CORO7: variants seen among roughly 807,000 people sequenced by gnomAD.
CORO7 encodes coronin 7.
A neutral mutation model predicts 126.6 loss-of-function variants in CORO7; 107 were observed. The observed-to-expected ratio is 0.85, with a 90% CI of 0.72 to 0.99. The LOEUF (loss-of-function observed/expected upper bound fraction) is 0.99. Among genes scored for constraint, CORO7 ranks in the 50% least tolerant of loss-of-function variants. The pLI is 0.00. For missense variants in CORO7, 1,314 were observed against 1,255.8 expected (o/e 1.05, Z -0.70); for synonymous variants, 603 against 536.8 (o/e 1.12, Z -1.70).
intron 7 of CORO7, among the ~76,000 whole-genome samples, chr16:4,391,081 C>T (rs13339232): frequency 0.058 from 8,829 of 152,190 alleles, 856 homozygotes; most frequent in African/African-American, 0.2. Flanking sequence ...GTCAGTGGCC[C>T]ACCCCTTACC....
chr16:4,369,411 C>G (rs1424642976), intron 9 of CORO7, among the ~76,000 whole-genome samples: 1 of 152,222 alleles, frequency 6.6e-6, no homozygotes, highest in Non-Finnish European at 1.5e-5. Context: ...GCCGGCACCT[C>G]TCCTGCTGGA....
At chr16:4,385,262 G>A (rs2055155659) in intron 9 of CORO7, among the ~76,000 whole-genome samples, 2 of 152,118 alleles carry the variant, frequency 1.3e-5, no homozygotes, top group South Asian at 4.1e-4. Context: ...GAAAAGGAGT[G>A]GCCACAGGGA....
chr16:4,360,838 C>T (rs1365651229), intron 19 of CORO7, 105 bp downstream of exon 19: 1 of 1,522,804 alleles, frequency 6.6e-7, no homozygotes, highest in South Asian at 1.2e-5. Flanking sequence ...CTGGTCCTGC[C>T]TCTCCTCACT....
rs1184711131 is a variant in CORO7 at position 4,413,313 on chromosome 16, CG to C, written c.151del (p.Arg51ValfsTer29). The C allele has an allele frequency of 5.1e-6, 8 of 1,576,710 alleles. No individual in the cohort carries two copies. The highest frequency in any genetic ancestry group is 6.9e-6 in the Non-Finnish European group (8 of 1,159,938). On this transcript the variant is annotated frameshift_variant, in exon 2 of 28. Transcript: ENST00000251166. LOFTEE classifies it high-confidence loss of function. The part of the protein sequence containing the change: ...SCSLIAFNSD[R>X]PGVLGIVPLQ... ...CACTCATGGCCATTCCCTACCAGGACGGTCGGAGTTGAAGGCGATCAAGCTG... is the reference window on the plus strand; with the variant it reads ...CACTCATGGCCATTCCCTACCAGGACGTCGGAGTTGAAGGCGATCAAGCTG...
intron 9 of CORO7, 178 bp downstream of exon 9, chr16:4,387,808 T>G (rs1304614512): frequency 1.4e-6 from 1 of 731,382 alleles, no homozygotes; most frequent in African/African-American, 1.8e-5. Context: ...GCTCGTGACA[T>G]CTGGAAGCTC....
intron 21 of CORO7, 30 bp from the exon 22 acceptor site, chr16:4,359,651 T>C: frequency 6.4e-7 from 1 of 1,568,692 alleles, no homozygotes; most frequent in Non-Finnish European, 8.7e-7. Context: ...CTGAAGCAGG[T>C]GTTTCAGAGC....
At chr16:4,412,521 C>T (rs1215941098) in intron 2 of CORO7, 91 bp from the exon 3 acceptor site, 40 of 1,359,316 alleles carry the variant, frequency 2.9e-5, no homozygotes, top group Non-Finnish European at 3.7e-5. Flanking sequence ...TCCAGCAGCT[C>T]AGCCTCGGAC....
intron 9 of CORO7, among the ~76,000 whole-genome samples, chr16:4,377,203 C>T (rs779317451): frequency 2.0e-5 from 3 of 152,112 alleles, no homozygotes; most frequent in Non-Finnish European, 2.9e-5. Context: ...CAGACCCTTG[C>T]GTCATCTTCC....
chr16:4,373,522 C>T (rs1190937911), intron 9 of CORO7, among the ~76,000 whole-genome samples: 1 of 152,144 alleles, frequency 6.6e-6, no homozygotes, highest in Non-Finnish European at 1.5e-5. Flanking sequence ...CATAAGGAGC[C>T]TCTCAGACAC....
At chr16:4,385,051 T>C (rs1167990041) in intron 9 of CORO7, among the ~76,000 whole-genome samples, 2 of 152,074 alleles carry the variant, frequency 1.3e-5, no homozygotes, top group African/African-American at 4.8e-5. Flanking sequence ...GATCAGGGCT[T>C]CGGGGAAGGG....
Position 4,359,602 on chromosome 16 carries a change from G to A in CORO7, c.2128C>T (p.Leu710Phe), listed in dbSNP as rs2054093545. ...GFDSQSERQL[L>F]LYEAEALAGG... ...GCCAGGGCCTCAGCTTCATATAGGAGCAGCTGGCGCTCACTTTGGCTGCAA... is the reference window on the plus strand; with the variant it reads ...GCCAGGGCCTCAGCTTCATATAGGAACAGCTGGCGCTCACTTTGGCTGCAA... Residue 710 changes from leucine (L) to phenylalanine (F), a missense_variant, in exon 22 of 28, where the codon CTC becomes TTC. By Grantham distance (22) the Leu-to-Phe change is conservative. Transcript: ENST00000251166. 3.1e-6 allele frequency: 5 copies of A among 1,603,168 alleles called. No homozygotes were observed. In the African/African-American group the frequency reaches 6.7e-5, roughly 21 times the overall value.
Position 4,355,098 on chromosome 16 carries a change from C to A in CORO7, c.*60G>T. On this transcript the variant is annotated 3_prime_UTR_variant, in exon 28 of 28. Transcript: ENST00000251166. ...AGGTATCTTCCAGCTTGAGGATGAGCCGTGAGGTGTGCACTAGGAAGTGGC... is the reference window on the plus strand; with the variant it reads ...AGGTATCTTCCAGCTTGAGGATGAGACGTGAGGTGTGCACTAGGAAGTGGC... The A allele has an allele frequency of 6.9e-7, 1 of 1,458,198 alleles. No homozygotes were observed. The highest frequency in any genetic ancestry group is 9.1e-7 in the Non-Finnish European group (1 of 1,098,986). The allele number at this position is 1,458,198 out of a possible 1,614,324, so 90.3% of individuals were successfully genotyped here.
intron 6 of CORO7, among the ~76,000 whole-genome samples, chr16:4,399,542 T>G (rs2055725884): frequency 6.6e-6 from 1 of 152,188 alleles, no homozygotes; most frequent in Non-Finnish European, 1.5e-5. Flanking sequence ...GTTTCAGTTC[T>G]GCAAGATGAG....
In CORO7 at chr16:4,358,546, C is replaced by G. The variant is rs546965058; in HGVS notation, c.2341-63G>C. ...TAGAGCTCATGGCTGGGCACGTAGT[C>G]TCCCCAGGGTGCCGGCACCCCTCAC... On this transcript the variant is annotated intron_variant, in intron 23 of 27. Coordinates refer to ENST00000251166, the MANE Select transcript of CORO7 (RefSeq NM_024535.5). 49 of 1,486,922 alleles carry G rather than the reference C, an allele frequency of 3.3e-5. No individual in the cohort carries two copies. The African/African-American group carries it at 6.4e-4, about 19-fold the overall frequency. The allele number at this position is 1,486,922 out of a possible 1,614,324, so 92.1% of individuals were successfully genotyped here. A position where few individuals can be genotyped will look rare whatever the true frequency, so the allele number is the denominator to read the frequency against.
chr16:4,393,447 C>T (rs540829560), intron 7 of CORO7, among the ~76,000 whole-genome samples: 2 of 152,236 alleles, frequency 1.3e-5, no homozygotes, highest in Non-Finnish European at 2.9e-5. Flanking sequence ...TGGCCAAAAC[C>T]ACCCTGCCTG....
chr16:4,402,878 G>T (rs1389495229), intron 6 of CORO7, among the ~76,000 whole-genome samples: 1 of 152,172 alleles, frequency 6.6e-6, no homozygotes, highest in African/African-American at 2.4e-5. Flanking sequence ...CTCCCAGCTC[G>T]GGAGGCCCCT....
intron 9 of CORO7, chr16:4,371,859 CCGAGCCCGGGGCGGGTGGACGCGGA>C (rs1359175776): frequency 6.6e-6 from 1 of 152,168 alleles, no homozygotes; most frequent in Non-Finnish European, 1.5e-5. Context: ...ACTCCGGAGC[CCGAGCCCGGGGCGGGTGGACGCGGA>C]CTCGAACGCA....
intron 7 of CORO7, among the ~76,000 whole-genome samples, chr16:4,394,978 G>C (rs2055531115): frequency 1.3e-5 from 2 of 152,212 alleles, no homozygotes; most frequent in Admixed American, 6.5e-5. Flanking sequence ...GACCGTGCCA[G>C]GGTGAAGGTC....
chr16:4,408,871 G>C (rs2056104772), intron 3 of CORO7, among the ~76,000 whole-genome samples: 1 of 152,200 alleles, frequency 6.6e-6, no homozygotes, highest in African/African-American at 2.4e-5. Context: ...GCTGAGGCAG[G>C]AGAATTGCTT....
Sources: gnomAD v4.1 joint callset for allele counts (sites outside exome capture counted in the v4.1 genomes callset) on GRCh38, gnomAD v4.1.1 for gene constraint, MANE v1.5 for transcripts, NCBI Gene and HGNC (gene_info 2026-07-23, HGNC 2026-07-21) for gene names.